Variants in WDR1 observed in about 807,000 individuals in gnomAD.
WDR1 encodes WD repeat-containing protein 1.
Under a neutral mutation model 71.9 loss-of-function variants are expected in WDR1, and 21 were observed. The observed-to-expected ratio is 0.29, with a 90% CI of 0.21 to 0.42. The LOEUF (loss-of-function observed/expected upper bound fraction) is 0.42. Among genes scored for constraint, WDR1 ranks in the 10% least tolerant of loss-of-function variants. The pLI is 1.00. For missense variants in WDR1, 696 were observed against 824.5 expected (o/e 0.84, Z 1.91); for synonymous variants, 424 against 347.4 (o/e 1.22, Z -2.45).
At chr4:10,098,962 G>C in intron 4 of WDR1, 30 bp downstream of exon 4, 1 of 1,613,502 alleles carries the variant, frequency 6.2e-7, no homozygotes. Context: ...ACAGCAACAG[G>C]GCAGGGAGGG....
At position 10,088,637 on chromosome 4, in the gene WDR1, C is replaced by T. The variant is rs747403140; in HGVS notation, c.636+27G>A. 4 of 1,575,514 alleles carry T rather than the reference C, an allele frequency of 2.5e-6. No homozygotes were observed. In the South Asian group the frequency reaches 3.5e-5, roughly 14 times the overall value. On this transcript the variant is annotated intron_variant, in intron 6 of 14. Coordinates refer to ENST00000499869, the MANE Select transcript of WDR1 (RefSeq NM_017491.5). ...GGGAGCAGGCAGACAAGCCATTCCC[C>T]ACCCCAAAACCCATCCCAGTTCTTA...
Position 10,088,348 on chromosome 4 carries a change from C to G in WDR1, c.662G>C (p.Gly221Ala). The change falls in exon 7 of 15, where the codon GGG becomes GCG. Residue 221 changes from glycine to alanine, a missense_variant. Physicochemically the swap from Gly to Ala is moderately conservative, Grantham distance 60. Transcript: ENST00000499869. Reference protein sequence around the residue: ...GQIYIYDGKTGEKVCALGGSK... With the variant: ...GQIYIYDGKTAEKVCALGGSK... Reference sequence around the variant, plus strand: ...TCCGCCCAGCGCGCACACCTTCTCCCCAGTCTTCCCGTCATAGATGTATAT... The same window carrying G: ...TCCGCCCAGCGCGCACACCTTCTCCGCAGTCTTCCCGTCATAGATGTATAT... 2 of 1,559,200 alleles carry G rather than the reference C, an allele frequency of 1.3e-6. No homozygotes were observed. The highest frequency in any genetic ancestry group is 1.7e-6 in the Non-Finnish European group (2 of 1,151,040).
At chr4:10,104,388 G>A (rs1712897617) in intron 2 of WDR1, among the ~76,000 whole-genome samples, 1 of 152,190 alleles carries the variant, frequency 6.6e-6, no homozygotes, top group Admixed American at 6.5e-5. Flanking sequence ...TCTCTTCCGT[G>A]TTTAGGACCA....
rs376382605 is a variant in WDR1, at chr4:10,087,881, C to T, written c.777G>A (p.Lys259=). The T allele has an allele frequency of 1.8e-4, 282 of 1,565,414 alleles. 1 individual carries two copies. The African/African-American group carries it at 3.6e-3, about 20-fold the overall frequency. The change falls in exon 8 of 15, where the codon AAG becomes AAA. Residue 259 remains lysine (K), a synonymous_variant. Transcript: ENST00000499869. ...CGGAGTTCACGCTGACGTCCCAAAT[C>T]TTGGAAGTTTTGTCCCCAGAAGCAG... ...LLSASGDKTS[K]IWDVSVNSVV...
In WDR1 at chr4:10,088,669, C is replaced by T. The variant is rs935891115; in HGVS notation, c.631G>A (p.Gly211Ser). ...AAACCCATCCCAGTTCTTACCTGGC[C>T]GTCAGCACTGGCTGTGGCAAATCTG... is the stretch of plus-strand genomic sequence containing the variant. ...GNRFATASAD[G>S]QIYIYDGKTG... Residue 211 changes from glycine to serine, a missense_variant, in exon 6 of 15, where the codon GGC becomes AGC. Coordinates refer to ENST00000499869, the MANE Select transcript of WDR1 (RefSeq NM_017491.5). 5.6e-6 allele frequency: 9 copies of T among 1,604,774 alleles called. No individual in the cohort carries two copies. The highest frequency in any genetic ancestry group is 1.7e-5 in the Admixed American group (1 of 58,930).
At chr4:10,101,455 T>C (rs1712679691) in intron 3 of WDR1, among the ~76,000 whole-genome samples, 1 of 152,178 alleles carries the variant, frequency 6.6e-6, no homozygotes, top group African/African-American at 2.4e-5. Flanking sequence ...AACGTTCCAA[T>C]GTAAGCCTTA....
chr4:10,109,530 G>A (rs1415542673), intron 2 of WDR1, among the ~76,000 whole-genome samples: 2 of 152,208 alleles, frequency 1.3e-5, no homozygotes, highest in South Asian at 2.1e-4. Flanking sequence ...GGCTGAGGAC[G>A]GGGTGGTCAC....
At chr4:10,087,428 G>C (rs189265571) in intron 8 of WDR1, among the ~76,000 whole-genome samples, 1 of 152,342 alleles carries the variant, frequency 6.6e-6, no homozygotes, top group Non-Finnish European at 1.5e-5. Flanking sequence ...TCAACAGCTG[G>C]GGGTGATGGC....
At position 10,085,142 on chromosome 4, in the gene WDR1, C is replaced by T. The variant is rs1312087315; in HGVS notation, c.952-612G>A. Among the ~76,000 whole-genome samples, 5 of 152,212 alleles carry T rather than the reference C, an allele frequency of 3.3e-5. No homozygotes were observed. The East Asian group carries it at 5.8e-4, about 18-fold the overall frequency. ...CCAGACAGCTGCTTCCAGAGGGCGG[C>T]GTTTAGCCCCCTCCATATCTGAGCC... is the stretch of plus-strand genomic sequence containing the variant. On this transcript the variant is annotated intron_variant, in intron 8 of 14. Coordinates refer to ENST00000499869, the MANE Select transcript of WDR1 (RefSeq NM_017491.5).
chr4:10,094,142 T>C (rs2109668934), intron 5 of WDR1, among the ~76,000 whole-genome samples: 1 of 152,312 alleles, frequency 6.6e-6, no homozygotes, highest in East Asian at 1.9e-4. Flanking sequence ...GCTTGTTAGA[T>C]CTGGCAGTGA....
At chr4:10,094,196 G>A (rs1006679916) in intron 5 of WDR1, among the ~76,000 whole-genome samples, 1 of 152,206 alleles carries the variant, frequency 6.6e-6, no homozygotes, top group African/African-American at 2.4e-5. Context: ...AGGACGACAT[G>A]CTGCTCTAAG....
intron 11 of WDR1, 82 bp from the exon 12 acceptor site, chr4:10,079,083 C>G (rs944423456): frequency 8.5e-7 from 1 of 1,170,116 alleles, no homozygotes; most frequent in South Asian, 1.5e-5. Flanking sequence ...GCGTCCCTGT[C>G]GGGGCTCACT....
intron 9 of WDR1, 40 bp from the exon 10 acceptor site, chr4:10,083,218 C>T: frequency 6.3e-7 from 1 of 1,596,974 alleles, no homozygotes; most frequent in Non-Finnish European, 8.5e-7. Context: ...CCCAGGACTG[C>T]TGGGTGTTCT....
rs188838451 is a variant in WDR1, at chr4:10,083,574, C to T, written c.1040-396G>A. ...CCAGCCTGGGGGGACCTCCTTGGGTCCCGGACAGTCCCTTTGGGAGGTACA... is the reference window on the plus strand; with the variant it reads ...CCAGCCTGGGGGGACCTCCTTGGGTTCCGGACAGTCCCTTTGGGAGGTACA... On this transcript the variant is annotated intron_variant, in intron 9 of 14. Coordinates refer to ENST00000499869, the MANE Select transcript of WDR1 (RefSeq NM_017491.5). 29 of 476,188 alleles carry T rather than the reference C, an allele frequency of 6.1e-5. No individual in the cohort carries two copies. The East Asian group carries it at 6.5e-4, about 11-fold the overall frequency. 29.5% of individuals were successfully genotyped at this position (476,188 alleles called of 1,614,324 possible). A position where few individuals can be genotyped will look rare whatever the true frequency, so the allele number is the denominator to read the frequency against.
chr4:10,082,908 A>C (rs1765070195), intron 10 of WDR1, 114 bp downstream of exon 10: 169 of 1,296,412 alleles, frequency 1.3e-4, no homozygotes, highest in Middle Eastern at 2.8e-4. Context: ...ACGGGGTGGG[A>C]GAGATGAAAG....
intron 8 of WDR1, among the ~76,000 whole-genome samples, chr4:10,086,769 G>A (rs1056399817): frequency 2.6e-5 from 4 of 152,210 alleles, no homozygotes; most frequent in African/African-American, 7.2e-5. Flanking sequence ...CTGGGATGAA[G>A]TGCATTGTCC....
intron 2 of WDR1, among the ~76,000 whole-genome samples, chr4:10,115,473 C>T (rs1198514481): frequency 3.3e-5 from 5 of 152,180 alleles, no homozygotes; most frequent in Non-Finnish European, 7.3e-5. Context: ...GCCCAGAGGC[C>T]CGGGTGTTTT....
At chr4:10,106,312 C>T (rs1317884236) in intron 2 of WDR1, 3 of 152,256 alleles carry the variant, frequency 2.0e-5, no homozygotes, top group Non-Finnish European at 2.9e-5. Flanking sequence ...CAACCCTCTC[C>T]CACTCCAATT....
At chr4:10,087,238 G>A (rs544942438) in intron 8 of WDR1, among the ~76,000 whole-genome samples, 56 of 152,292 alleles carry the variant, frequency 3.7e-4, no homozygotes, top group Admixed American at 1.8e-3. Context: ...TCCAGGCAGC[G>A]CCAAGGCCCA....
Sources: gnomAD v4.1 joint callset for allele counts (sites outside exome capture counted in the v4.1 genomes callset) on GRCh38, gnomAD v4.1.1 for gene constraint, MANE v1.5 for transcripts, NCBI Gene and HGNC (gene_info 2026-07-23, HGNC 2026-07-21) for gene names.